The following GRID2 variants were observed in gnomAD, a reference collection of about 807,000 sequenced individuals.
GRID2 encodes glutamate receptor ionotropic, delta-2.
A neutral mutation model predicts 114.8 loss-of-function variants in GRID2; 33 were observed. The ratio of observed to expected loss-of-function variants is 0.29; its 90% confidence interval spans 0.22 to 0.38. The LOEUF is 0.38. Among genes scored for constraint, GRID2 ranks in the 10% least tolerant of loss-of-function variants. The pLI, the probability that GRID2 is intolerant of heterozygous loss-of-function variation, is 1.00. For missense variants in GRID2, 1,184 were observed against 1,257.7 expected (o/e 0.94, Z 0.89); for synonymous variants, 505 against 449.9 (o/e 1.12, Z -1.55).
At chr4:93,024,633 G>A (rs772503390) in intron 2 of GRID2, among the ~76,000 whole-genome samples, 1 of 151,580 alleles carries the variant, frequency 6.6e-6, no homozygotes, top group Admixed American at 6.6e-5. Context: ...CTACAGTTTG[G>A]TGTGATGGTT....
intron 1 of GRID2, among the ~76,000 whole-genome samples, chr4:92,589,890 C>T (rs1434500180): frequency 2.0e-5 from 3 of 152,036 alleles, no homozygotes; most frequent in Non-Finnish European, 4.4e-5. Context: ...TGTTTTCTTC[C>T]CCATGACCTC....
intron 2 of GRID2, among the ~76,000 whole-genome samples, chr4:92,906,930 A>G (rs1369373860): frequency 7.2e-5 from 11 of 152,222 alleles, no homozygotes; most frequent in Admixed American, 6.5e-4. Flanking sequence ...TTAGGAGTGC[A>G]GAATATGAGG....
chr4:93,562,145 T>C (rs145947058), intron 13 of GRID2, among the ~76,000 whole-genome samples: 378 of 152,212 alleles, frequency 2.5e-3, no homozygotes, highest in South Asian at 0.013. Context: ...CCACCAGCCA[T>C]GAATGAGTGT....
At chr4:92,626,362 C>G (rs909012431) in intron 2 of GRID2, among the ~76,000 whole-genome samples, 1 of 151,944 alleles carries the variant, frequency 6.6e-6, no homozygotes, top group Non-Finnish European at 1.5e-5. Context: ...GATTTGGGCC[C>G]ATGGGTGGTT....
chr4:93,390,368 G>T (rs1403766318), intron 8 of GRID2, among the ~76,000 whole-genome samples: 2 of 152,138 alleles, frequency 1.3e-5, no homozygotes, highest in East Asian at 1.9e-4. Context: ...AGGAACAAAA[G>T]AATTCTGATT....
intron 2 of GRID2, among the ~76,000 whole-genome samples, chr4:92,690,819 A>G (rs564672819): frequency 1.5e-3 from 223 of 152,224 alleles, no homozygotes; most frequent in African/African-American, 5.2e-3. Flanking sequence ...ATTCAATTAA[A>G]AAAAAAACCA....
intron 2 of GRID2, among the ~76,000 whole-genome samples, chr4:92,965,450 T>TAAAAAAAAAAAAAAAAAAAAAAAAA (rs869285420): frequency 4.7e-5 from 4 of 85,778 alleles, no homozygotes; most frequent in African/African-American, 8.8e-5. Flanking sequence ...ATTCAATTTG[T>TAAAAAAAAAAAAAAAAAAAAAAAAA]AAAAAAAAAA....
chr4:93,501,105 G>C (rs1455192094), intron 12 of GRID2, among the ~76,000 whole-genome samples: 2 of 152,014 alleles, frequency 1.3e-5, no homozygotes, highest in Non-Finnish European at 2.9e-5. Flanking sequence ...CACTCACTGA[G>C]TGAACTAGAA....
chr4:93,141,101 G>A (rs1014980639), intron 4 of GRID2, among the ~76,000 whole-genome samples: 2 of 151,814 alleles, frequency 1.3e-5, no homozygotes, highest in African/African-American at 2.4e-5. Context: ...ATAAAGTTTT[G>A]TTTTATATTC....
chr4:92,474,950 G>C (rs375402495), intron 1 of GRID2, among the ~76,000 whole-genome samples: 12 of 74,020 alleles, frequency 1.6e-4, no homozygotes, highest in African/African-American at 6.6e-4. Flanking sequence ...TCATTCGGTT[G>C]ATTGTTTTAA....
At chr4:93,447,233 T>C (rs1455682071) in intron 10 of GRID2, among the ~76,000 whole-genome samples, 3 of 151,974 alleles carry the variant, frequency 2.0e-5, no homozygotes, top group African/African-American at 7.2e-5. Flanking sequence ...CAGAAACGTG[T>C]TCATCTTTAA....
At chr4:92,538,927 A>C (rs1236525950) in intron 1 of GRID2, among the ~76,000 whole-genome samples, 1 of 151,982 alleles carries the variant, frequency 6.6e-6, no homozygotes. Context: ...CTGTAGTCCC[A>C]GCTACTTGGG....
chr4:93,447,484 C>T (rs1455249059), intron 10 of GRID2, among the ~76,000 whole-genome samples: 2 of 151,840 alleles, frequency 1.3e-5, no homozygotes, highest in Non-Finnish European at 1.5e-5. Flanking sequence ...AACATGTGTA[C>T]ACCACAATTA....
chr4:92,713,015 CTTTAAG>C (rs1011099720), intron 2 of GRID2, among the ~76,000 whole-genome samples: 6 of 147,268 alleles, frequency 4.1e-5, no homozygotes, highest in African/African-American at 1.5e-4. Flanking sequence ...TTTTATTATA[CTTTAAG>C]TTTTAGGGTA....
chr4:92,496,242 ACACT>A (rs1723383357), intron 1 of GRID2, among the ~76,000 whole-genome samples: 1 of 151,862 alleles, frequency 6.6e-6, no homozygotes, highest in Non-Finnish European at 1.5e-5. Context: ...ATATATGTAC[ACACT>A]CTCCTTTACC....
chr4:92,941,274 A>G (rs1244494969), intron 2 of GRID2, among the ~76,000 whole-genome samples: 3 of 152,122 alleles, frequency 2.0e-5, no homozygotes, highest in South Asian at 2.1e-4. Context: ...CAGAGATTCA[A>G]CTTCTTCCTG....
chr4:93,587,738 T>A (rs994792155), intron 13 of GRID2, among the ~76,000 whole-genome samples: 5 of 152,076 alleles, frequency 3.3e-5, no homozygotes, highest in Admixed American at 6.6e-5. Context: ...ATTTATTATA[T>A]TACATTATAA....
At chr4:92,701,326 T>G (rs1734667389) in intron 2 of GRID2, among the ~76,000 whole-genome samples, 2 of 152,208 alleles carry the variant, frequency 1.3e-5, no homozygotes, top group Non-Finnish European at 2.9e-5. Flanking sequence ...CTCCAAAGTT[T>G]TCAATTTTAA....
intron 2 of GRID2, among the ~76,000 whole-genome samples, chr4:92,772,898 G>A (rs994287393): frequency 1.3e-5 from 2 of 152,136 alleles, no homozygotes; most frequent in African/African-American, 4.8e-5. Context: ...TATAGTCTCT[G>A]AACCTCAGCA....
Sources: gnomAD v4.1 joint callset for allele counts (sites outside exome capture counted in the v4.1 genomes callset) on GRCh38, gnomAD v4.1.1 for gene constraint, MANE v1.5 for transcripts, NCBI Gene and HGNC (gene_info 2026-07-23, HGNC 2026-07-21) for gene names.